GRIA2: variants seen among roughly 807,000 people sequenced by gnomAD.
The protein encoded by GRIA2 is glutamate ionotropic receptor AMPA type subunit 2.
In GRIA2, 14 loss-of-function variants were observed where a neutral mutation model predicts 97.3. The ratio of observed to expected loss-of-function variants is 0.14; its 90% CI spans 0.10 to 0.23. GRIA2 has a LOEUF of 0.23. Ranked by LOEUF, GRIA2 falls within the 10% of genes least tolerant of loss-of-function variation. The pLI, the probability that GRIA2 is intolerant of heterozygous loss-of-function variation, is 1.00. For missense variants in GRIA2, 558 were observed against 1,069.8 expected (o/e 0.52, Z 6.67); for synonymous variants, 412 against 387.8 (o/e 1.06, Z -0.73).
chr4:157,266,727 G>T (rs906985173), intron 2 of GRIA2, among the ~76,000 whole-genome samples: 8 of 152,028 alleles, frequency 5.3e-5, no homozygotes, highest in Non-Finnish European at 1.2e-4. Context: ...CAGCAAGGTT[G>T]TTCTATCTTT....
chr4:157,231,749 A>G (rs996633608), intron 2 of GRIA2, among the ~76,000 whole-genome samples: 53 of 152,204 alleles, frequency 3.5e-4, no homozygotes, highest in Non-Finnish European at 4.6e-4. Context: ...TTAGTAGAAC[A>G]GAGAAAAGTT....
At position 157,277,814 on chromosome 4, in the gene GRIA2, C is replaced by CTATATATATGTATATATG. The variant is rs1460114686; in HGVS notation, c.230-25729_230-25728insGTATATATGTATATATAT. On this transcript the variant is annotated intron_variant, in intron 2 of 15. Transcript: ENST00000264426. ...GTATGAATATAATAAAATATGTATG[C>CTATATATATGTATATATG]TATATATATATGTATATATGTATAT... Among the ~76,000 whole-genome samples, 89 of 89,536 alleles carry CTATATATATGTATATATG rather than the reference C, an allele frequency of 9.9e-4. 2 individuals carry two copies. Among genetic ancestry groups the CTATATATATGTATATATG allele is most frequent in the African/African-American group, 3.9e-3 (83 of 21,476 alleles). 58.7% of individuals were successfully genotyped at this position (89,536 alleles called of 152,430 possible).
At chr4:157,291,027 A>C (rs1292190632) in intron 2 of GRIA2, among the ~76,000 whole-genome samples, 1 of 151,984 alleles carries the variant, frequency 6.6e-6, no homozygotes, top group Non-Finnish European at 1.5e-5. Flanking sequence ...GATGGCTTTA[A>C]CTGAATTCAT....
chr4:157,256,809 A>G lies in GRIA2; in HGVS notation c.229+35002A>G, dbSNP rs146604034. ...AGCAGGTGACATCTGGATATCTAGA[A>G]GGACTTGGTATCTAGAAGGATGAAC... On this transcript the variant is annotated intron_variant, in intron 2 of 15. Coordinates refer to ENST00000264426, the MANE Select transcript of GRIA2 (RefSeq NM_001083619.3). Among the ~76,000 whole-genome samples the G allele has an allele frequency of 3.7e-3, 560 of 152,104 alleles. 6 individuals are homozygous for G. The highest frequency in any genetic ancestry group is 0.013 in the African/African-American group (526 of 41,532).
At chr4:157,327,399 T>C (rs1185296922) in intron 6 of GRIA2, among the ~76,000 whole-genome samples, 1 of 152,166 alleles carries the variant, frequency 6.6e-6, no homozygotes, top group Non-Finnish European at 1.5e-5. Context: ...GTTACTTTAG[T>C]TGATAAAATG....
chr4:157,269,261 G>A (rs1171578167), intron 2 of GRIA2, among the ~76,000 whole-genome samples: 1 of 152,038 alleles, frequency 6.6e-6, no homozygotes, highest in African/African-American at 2.4e-5. Flanking sequence ...TGTCCTTCTT[G>A]GAGGAAAGAG....
chr4:157,361,963 T>G lies in GRIA2; in HGVS notation c.2407-836T>G, dbSNP rs765840323. On this transcript the variant is annotated intron_variant, in intron 14 of 15. Coordinates refer to ENST00000264426, the MANE Select transcript of GRIA2 (RefSeq NM_001083619.3). This position sits in a 1 kb window ranked among gnomAD's most constrained non-coding sequence, Gnocchi z 5.2. ...GTAAATGGCCTAATGAGAACATTAATGAAACACTTAAGATTAAGTGATTAT... is the reference window on the plus strand; with the variant it reads ...GTAAATGGCCTAATGAGAACATTAAGGAAACACTTAAGATTAAGTGATTAT... Among the ~76,000 whole-genome samples, 9 of 152,170 alleles carry G rather than the reference T, an allele frequency of 5.9e-5. No homozygotes were observed. Among genetic ancestry groups the G allele is most frequent in the Non-Finnish European group, 1.2e-4 (8 of 68,020 alleles).
At chr4:157,344,518 T>C (rs1468347401) in intron 12 of GRIA2, among the ~76,000 whole-genome samples, 1 of 152,106 alleles carries the variant, frequency 6.6e-6, no homozygotes, top group East Asian at 1.9e-4. Flanking sequence ...GCCCATTCAT[T>C]ATGCTTACTT....
At chr4:157,324,511 T>C (rs553545969) in intron 6 of GRIA2, among the ~76,000 whole-genome samples, 1 of 152,108 alleles carries the variant, frequency 6.6e-6, no homozygotes, top group South Asian at 2.1e-4. Context: ...AAGGCTTTCA[T>C]GGGAGGGATG....
At chr4:157,281,514 T>C (rs961977197) in intron 2 of GRIA2, among the ~76,000 whole-genome samples, 2 of 152,168 alleles carry the variant, frequency 1.3e-5, no homozygotes, top group African/African-American at 2.4e-5. Context: ...TTGGGGCTCA[T>C]TCCATGTTCC....
intron 2 of GRIA2, among the ~76,000 whole-genome samples, chr4:157,280,531 T>C (rs908699979): frequency 6.6e-6 from 1 of 152,270 alleles, no homozygotes; most frequent in Middle Eastern, 3.4e-3. Context: ...TGTGGTAAGT[T>C]GTGAGTTTCT....
intron 2 of GRIA2, among the ~76,000 whole-genome samples, chr4:157,297,895 A>T (rs770888935): frequency 2.8e-4 from 42 of 152,208 alleles, no homozygotes; most frequent in Middle Eastern, 3.4e-3. Flanking sequence ...AAAATACATT[A>T]TTGAAAAATT....
At chr4:157,326,031 A>T (rs951984507) in intron 6 of GRIA2, among the ~76,000 whole-genome samples, 10 of 152,018 alleles carry the variant, frequency 6.6e-5, no homozygotes, top group Admixed American at 6.6e-4. Context: ...AGGCCCTGTC[A>T]CCCAGTCCCA....
intron 2 of GRIA2, among the ~76,000 whole-genome samples, chr4:157,288,929 A>T (rs1732967229): frequency 6.6e-6 from 1 of 151,898 alleles, no homozygotes; most frequent in Admixed American, 6.6e-5. Context: ...CGGAAACAGA[A>T]GTAAAATTGA....
At chr4:157,263,119 G>A (rs901258900) in intron 2 of GRIA2, among the ~76,000 whole-genome samples, 1 of 152,008 alleles carries the variant, frequency 6.6e-6, no homozygotes, top group African/African-American at 2.4e-5. Flanking sequence ...ATCTTACATG[G>A]TTATTTCCTT....
intron 5 of GRIA2, among the ~76,000 whole-genome samples, chr4:157,321,229 G>A (rs1008219255): frequency 6.6e-6 from 1 of 152,130 alleles, no homozygotes; most frequent in Non-Finnish European, 1.5e-5. Flanking sequence ...AACGTGTATT[G>A]ATTAGGGAAC....
chr4:157,267,792 G>A (rs562057160), intron 2 of GRIA2, among the ~76,000 whole-genome samples: 2 of 152,122 alleles, frequency 1.3e-5, no homozygotes, highest in Admixed American at 1.3e-4. Flanking sequence ...TCTTGACATG[G>A]CTGAGTAACA....
At chr4:157,307,787 A>G (rs984342463) in intron 3 of GRIA2, among the ~76,000 whole-genome samples, 1 of 152,180 alleles carries the variant, frequency 6.6e-6, no homozygotes, top group Non-Finnish European at 1.5e-5. Flanking sequence ...TGGTTTCAAT[A>G]TCGAGCAATA....
At chr4:157,355,898 T>G (rs1235228653) in intron 12 of GRIA2, among the ~76,000 whole-genome samples, 2 of 4,916 alleles carry the variant, frequency 4.1e-4, no homozygotes, top group Non-Finnish European at 9.0e-4. Context: ...TATATTTATA[T>G]ATAAATATAT....
Sources: allele counts gnomAD v4.1 joint callset (sites outside exome capture counted in the v4.1 genomes callset), GRCh38; gene constraint gnomAD v4.1.1; non-coding constraint Gnocchi (gnomAD v3.1); transcripts MANE v1.5; gene names NCBI Gene and HGNC (gene_info 2026-07-23, HGNC 2026-07-21).